Variants in PFKFB3 observed in about 807,000 individuals in gnomAD.
PFKFB3 encodes the protein 6-phosphofructo-2-kinase/fructose-2,6-biphosphatase 3, also known as 6-phosphofructo-2-kinase/fructose-2,6-bisphosphatase 3.
PFKFB3 carries 33 observed loss-of-function variants against 68.0 expected under a neutral mutation model. The observed-to-expected ratio is 0.49, with a 90% confidence interval of 0.37 to 0.65. The LOEUF (loss-of-function observed/expected upper bound fraction) is 0.65, where lower values mean the gene tolerates loss of function less well. Ranked by LOEUF, PFKFB3 falls within the 30% of genes least tolerant of loss-of-function variation. The pLI, the probability that PFKFB3 is intolerant of heterozygous loss-of-function variation, is 0.00. For missense variants in PFKFB3, 586 were observed against 712.2 expected (o/e 0.82, Z 2.02); for synonymous variants, 315 against 288.2 (o/e 1.09, Z -0.94).
intron 1 of PFKFB3, among the ~76,000 whole-genome samples, chr10:6,211,694 G>C (rs985637634): frequency 6.6e-6 from 1 of 152,186 alleles, no homozygotes; most frequent in African/African-American, 2.4e-5. Flanking sequence ...GCTCACCCTG[G>C]GCAGTGAAAA....
upstream of PFKFB3, among the ~76,000 whole-genome samples, chr10:6,198,245 CAAAA>C (rs58649656): frequency 2.6e-5 from 3 of 114,346 alleles, no homozygotes; most frequent in African/African-American, 3.0e-5. Flanking sequence ...GACTCCGTCT[CAAAA>C]AAAAAAAAAA....
rs79197881 is a variant in PFKFB3, at chr10:6,165,854, G to A, written c.16+20841G>A. 8.2e-3 allele frequency among the ~76,000 whole-genome samples: 1,236 copies of A among 149,892 alleles called. 14 individuals carry two copies. The highest frequency in any genetic ancestry group is 0.028 in the African/African-American group (1,138 of 40,636). On this transcript the variant is annotated intron_variant, in intron 1 of 14. Transcript: ENST00000379789. ...TTTTGAGACAGAACCTCACTCTGTC[G>A]CCCAGACTGAAGTGCAGTGGTGCTA... is the stretch of plus-strand genomic sequence containing the variant.
chr10:6,183,614 A>ATATAT (rs1554843857), intron 1 of PFKFB3, among the ~76,000 whole-genome samples: 16 of 93,948 alleles, frequency 1.7e-4, no homozygotes, highest in African/African-American at 4.4e-4. Flanking sequence ...AAAAAAAAAA[A>ATATAT]ATATATATAT....
chr10:6,200,668 GGGGGGGGCGGGGGGTGGTGGT>G (rs1564613454), upstream of PFKFB3, among the ~76,000 whole-genome samples: 8 of 135,648 alleles, frequency 5.9e-5, no homozygotes, highest in Non-Finnish European at 1.2e-4. Flanking sequence ...GCGGGGGGGG[GGGGGGGGCGGGGGGTGGTGGT>G]GGGGCGGGGA....
chr10:6,311,226 TG>T, the PFKFB3 span, among the ~76,000 whole-genome samples: 1 of 151,978 alleles, frequency 6.6e-6, no homozygotes, highest in Non-Finnish European at 1.5e-5. Context: ...GATAGGAAAA[TG>T]ACATTATCAA....
intron 1 of PFKFB3, among the ~76,000 whole-genome samples, chr10:6,179,330 C>G (rs1372247281): frequency 1.3e-5 from 2 of 152,230 alleles, no homozygotes; most frequent in Non-Finnish European, 2.9e-5. Flanking sequence ...CCAAACTCAT[C>G]TGCGCTGCGC....
the PFKFB3 span, among the ~76,000 whole-genome samples, chr10:6,262,383 G>A: frequency 4.9e-4 from 73 of 149,050 alleles, no homozygotes; most frequent in Admixed American, 1.8e-3. Flanking sequence ...GAACCCTGGG[G>A]GGCGGAGCCT....
upstream of PFKFB3, among the ~76,000 whole-genome samples, chr10:6,201,405 A>G (rs1296067154): frequency 6.9e-6 from 1 of 144,436 alleles, no homozygotes; most frequent in African/African-American, 2.6e-5. The surrounding 1 kb of genome is among the most constrained non-coding windows in gnomAD (Gnocchi z 4.1). Context: ...AGGGGCTCTG[A>G]GAGGGCGGCG....
chr10:6,202,164 G>A (rs911885709), upstream of PFKFB3, among the ~76,000 whole-genome samples: 11 of 152,242 alleles, frequency 7.2e-5, no homozygotes, highest in African/African-American at 2.7e-4. Context: ...GATGCCAGCT[G>A]CCCCCAGCCC....
chr10:6,158,781 C>T (rs1841883266), intron 1 of PFKFB3, among the ~76,000 whole-genome samples: 1 of 151,898 alleles, frequency 6.6e-6, no homozygotes. Flanking sequence ...GCAAGAGAAT[C>T]GCTTGAACCT....
intron 1 of PFKFB3, among the ~76,000 whole-genome samples, chr10:6,148,437 A>G (rs1268053092): frequency 3.3e-5 from 5 of 152,226 alleles, no homozygotes; most frequent in Admixed American, 6.5e-5. Context: ...CATGTCCCCT[A>G]TGCTCAGCGT....
chr10:6,212,065 C>T (rs897065209), intron 1 of PFKFB3, among the ~76,000 whole-genome samples: 3 of 152,262 alleles, frequency 2.0e-5, no homozygotes, highest in Non-Finnish European at 2.9e-5. Flanking sequence ...TCTGTCCAGT[C>T]TGACATCTGC....
In PFKFB3 at chr10:6,170,484, G is replaced by A. The variant is rs377077082; in HGVS notation, c.16+25471G>A. 1.3e-4 allele frequency among the ~76,000 whole-genome samples: 20 copies of A among 152,286 alleles called. 1 individual carries two copies. In the East Asian group the frequency reaches 3.7e-3, roughly 28 times the overall value. On this transcript the variant is annotated intron_variant, in intron 1 of 14. Coordinates refer to the PFKFB3 transcript ENST00000379789. ...GTAATCCCAGCACTTTGGGAAGGAG[G>A]ATTGCCTGAGGCCAGGAGTTTGAGA...
rs762077860 is a variant in PFKFB3, at chr10:6,222,866, C to T, written c.1095C>T (p.Asp365=). The T allele has an allele frequency of 1.9e-6, 3 of 1,613,478 alleles. No homozygotes were observed. Among genetic ancestry groups the T allele is most frequent in the Non-Finnish European group, 2.5e-6 (3 of 1,179,720 alleles). ...CCCTCTGTGCTCAGTCCTACCAGGA[C>T]CTGGTCCAGCGCTTGGAGCCAGTGA... ...YRYPTGESYQ[D]LVQRLEPVIM... Residue 365 remains aspartate, a synonymous_variant, in exon 11 of 15, where the codon GAC becomes GAT. Transcript: ENST00000379775.
At chr10:6,324,089 A>G in the PFKFB3 span, among the ~76,000 whole-genome samples, 1 of 152,234 alleles carries the variant, frequency 6.6e-6, no homozygotes. Context: ...AGGGATAAAC[A>G]AAATGTGGTC....
the PFKFB3 span, among the ~76,000 whole-genome samples, chr10:6,321,102 T>C: frequency 5.3e-5 from 8 of 152,280 alleles, no homozygotes; most frequent in Middle Eastern, 3.4e-3. Flanking sequence ...TTGACCTTTA[T>C]CCATCTTCTC....
At chr10:6,231,514 G>A (rs114068942) in intron 14 of PFKFB3, 15,665 of 985,306 alleles carry the variant, frequency 0.016, 171 homozygotes, top group African/African-American at 0.048. Context: ...GGTGAAGGAC[G>A]TGGACATCAC....
chr10:6,287,494 A>G, the PFKFB3 span, among the ~76,000 whole-genome samples: 2 of 152,196 alleles, frequency 1.3e-5, no homozygotes, highest in Non-Finnish European at 2.9e-5. Flanking sequence ...TATTTAGTAC[A>G]GCAACATGCT....
At chr10:6,158,822 G>A (rs1292786437) in intron 1 of PFKFB3, among the ~76,000 whole-genome samples, 3 of 151,278 alleles carry the variant, frequency 2.0e-5, no homozygotes, top group Admixed American at 1.3e-4. Context: ...AGCTGAAATC[G>A]CAGCGCCACT....
Sources: allele counts gnomAD v4.1 joint callset (sites outside exome capture counted in the v4.1 genomes callset), GRCh38; gene constraint gnomAD v4.1.1; non-coding constraint Gnocchi (gnomAD v3.1); transcripts MANE v1.5; gene names NCBI Gene and HGNC (gene_info 2026-07-23, HGNC 2026-07-21).